Variants in GARRE1 observed in about 807,000 individuals in gnomAD.
GARRE1 encodes granule associated Rac and RHOG effector 1.
GARRE1 carries 49 observed loss-of-function variants against 103.2 expected under a neutral mutation model. The ratio of observed to expected loss-of-function variants is 0.47; its 90% CI spans 0.38 to 0.60. GARRE1 has a LOEUF of 0.60. Among genes scored for constraint, GARRE1 ranks in the 20% least tolerant of loss-of-function variants. The probability of loss-of-function intolerance (pLI) is 0.00; values close to 1 mark genes in which losing one functional copy is unlikely to be tolerated. For synonymous variants in GARRE1, 505 were observed against 532.8 expected (o/e 0.95, Z 0.72); for missense variants, 1,199 against 1,370.5 (o/e 0.87, Z 1.98).
In GARRE1 at chr19:34,320,020, A is replaced by T; in HGVS notation, c.609A>T (p.Pro203=). ...CTTGCTTTGCTGAGGTCATCGTGCC[A>T]GAAAAAAAGAACAGCGGCAGTGGCG... ...AHSCFAEVIV[P]EKKNSGSGGG... is the part of the protein sequence containing the mutation. Residue 203 remains proline (P), a synonymous_variant, in exon 3 of 14, where the codon CCA becomes CCT. Coordinates refer to ENST00000299505, the MANE Select transcript of GARRE1 (RefSeq NM_014686.5). 6.2e-7 allele frequency: 1 copy of T among 1,614,242 alleles called. No individual in the cohort carries two copies. The highest frequency in any genetic ancestry group is 8.5e-7 in the Non-Finnish European group (1 of 1,180,056).
At chr19:34,261,893 A>G (rs1475763321) in intron 1 of GARRE1, among the ~76,000 whole-genome samples, 1 of 152,220 alleles carries the variant, frequency 6.6e-6, no homozygotes, top group Non-Finnish European at 1.5e-5. Flanking sequence ...AGCTTTGTCT[A>G]CATTGCATTG....
chr19:34,292,362 T>C (rs2073922847), intron 1 of GARRE1, among the ~76,000 whole-genome samples: 1 of 152,260 alleles, frequency 6.6e-6, no homozygotes, highest in Non-Finnish European at 1.5e-5. Context: ...TACATTTGTT[T>C]ATTCATTTGT....
At chr19:34,333,043 T>C (rs1056741126) in intron 7 of GARRE1, among the ~76,000 whole-genome samples, 1 of 152,178 alleles carries the variant, frequency 6.6e-6, no homozygotes, top group South Asian at 2.1e-4. Flanking sequence ...TTGGTTTGAC[T>C]TTTTTGTTTG....
chr19:34,254,862 C>T (rs1049787084), intron 1 of GARRE1, among the ~76,000 whole-genome samples: 9 of 150,546 alleles, frequency 6.0e-5, no homozygotes, highest in African/African-American at 1.9e-4. Context: ...CTGGCGCGAA[C>T]CCGGGACCTG....
At chr19:34,337,148 T>C (rs1019776442) in intron 8 of GARRE1, among the ~76,000 whole-genome samples, 1 of 151,466 alleles carries the variant, frequency 6.6e-6, no homozygotes, top group African/African-American at 2.4e-5. Context: ...AGAAAAAGGA[T>C]ATTGCTATCC....
intron 3 of GARRE1, among the ~76,000 whole-genome samples, chr19:34,323,709 T>C (rs1344029809): frequency 6.6e-6 from 1 of 152,126 alleles, no homozygotes; most frequent in Admixed American, 6.5e-5. Flanking sequence ...GCCTCCTGAC[T>C]GTTCAGCTCA....
intron 8 of GARRE1, 151 bp from the exon 9 acceptor site, chr19:34,339,716 A>G: frequency 1.2e-6 from 1 of 835,622 alleles, no homozygotes; most frequent in Non-Finnish European, 1.9e-6. Flanking sequence ...TTCCAGGATC[A>G]GCCCTGTTGT....
intron 2 of GARRE1, among the ~76,000 whole-genome samples, chr19:34,314,592 T>C (rs1669265): frequency 0.76 from 115,036 of 152,102 alleles, 44,043 homozygotes; most frequent in Admixed American, 0.8. Flanking sequence ...GCAGCGTGTC[T>C]GGGGGCAGAA....
intron 1 of GARRE1, among the ~76,000 whole-genome samples, chr19:34,265,009 T>TCCTCTC (rs2073743205): frequency 6.6e-6 from 1 of 152,114 alleles, no homozygotes; most frequent in Admixed American, 6.6e-5. Context: ...GTTCCTTGTG[T>TCCTCTC]CTGGGCCACT....
At chr19:34,269,286 G>C (rs371576859) in intron 1 of GARRE1, among the ~76,000 whole-genome samples, 1 of 152,314 alleles carries the variant, frequency 6.6e-6, no homozygotes, top group African/African-American at 2.4e-5. Context: ...GATTGGTAGC[G>C]AGCCGGTGCT....
At chr19:34,332,936 G>A (rs1250313918) in intron 7 of GARRE1, among the ~76,000 whole-genome samples, 1 of 152,084 alleles carries the variant, frequency 6.6e-6, no homozygotes, top group Non-Finnish European at 1.5e-5. Context: ...CTGTCCTGAA[G>A]TAATTCAGTT....
chr19:34,322,903 T>A lies in GARRE1; in HGVS notation c.705+2787T>A, dbSNP rs552975560. Among the ~76,000 whole-genome samples, 161 of 152,074 alleles carry A rather than the reference T, an allele frequency of 1.1e-3. 1 individual carries two copies. The highest frequency in any genetic ancestry group is 0.01 in the Middle Eastern group (3 of 294). On this transcript the variant is annotated intron_variant, in intron 3 of 13. Coordinates refer to ENST00000299505, the MANE Select transcript of GARRE1 (RefSeq NM_014686.5). ...CACCTGGGCCAAAAGATAATTTTTT[T>A]AAACTATCCCAGCAGGCAAACACAG...
At position 34,327,477 on chromosome 19, in the gene GARRE1, T is replaced by C. The variant is rs763677636; in HGVS notation, c.762T>C (p.Val254=). 5 of 1,614,086 alleles carry C rather than the reference T, an allele frequency of 3.1e-6. No homozygotes were observed. The South Asian group carries it at 3.3e-5, about 11-fold the overall frequency. ...ATGGTTGCCTGGCAGGAATTGAAGTTCAACAACTCTTTTGTTCTCAAAGTG... is the reference window on the plus strand; with the variant it reads ...ATGGTTGCCTGGCAGGAATTGAAGTCCAACAACTCTTTTGTTCTCAAAGTG... The part of the protein sequence containing the change: ...GCDGCLAGIE[V]QQLFCSQSAA... Residue 254 remains valine (V), a synonymous_variant, in exon 4 of 14, where the codon GTT becomes GTC. Transcript: ENST00000299505.
chr19:34,353,242 T>G lies in GARRE1; in HGVS notation c.*287T>G. 2.3e-6 allele frequency: 1 copy of G among 435,470 alleles called. No homozygotes were observed. Among genetic ancestry groups the G allele is most frequent in the Non-Finnish European group, 4.1e-6 (1 of 245,638 alleles). 27.0% of individuals were successfully genotyped at this position (435,470 alleles called of 1,614,324 possible). A position where few individuals can be genotyped will look rare whatever the true frequency, so the allele number is the denominator to read the frequency against. On this transcript the variant is annotated 3_prime_UTR_variant, in exon 14 of 14. Coordinates refer to ENST00000299505, the MANE Select transcript of GARRE1 (RefSeq NM_014686.5). ...ATGCCTAGTAAGCGCCACAGGTGACTCTGATGCAGGCGCCACAGCCACACT... is the reference window on the plus strand; with the variant it reads ...ATGCCTAGTAAGCGCCACAGGTGACGCTGATGCAGGCGCCACAGCCACACT...
chr19:34,297,148 C>G (rs1028306132), intron 1 of GARRE1, among the ~76,000 whole-genome samples: 56 of 152,152 alleles, frequency 3.7e-4, no homozygotes, highest in East Asian at 7.7e-4. Flanking sequence ...ATTAGCCAGG[C>G]ACTGTGACGC....
At position 34,341,714 on chromosome 19, in the gene GARRE1, AT is replaced by A; in HGVS notation, c.1782del (p.Ile594MetfsTer45). 1.2e-6 allele frequency: 2 copies of A among 1,614,242 alleles called. No homozygotes were observed. Among genetic ancestry groups the A allele is most frequent in the South Asian group, 1.1e-5 (1 of 91,088 alleles). Reference protein sequence around the residue: ...IDTRLQSILNIGNFPRTTDPS... With the variant: ...IDTRLQSILNXGNFPRTTDPS... ...TACAAGGTTACAAAGCATTTTGAAC[AT>A]TGGTAATTTCCCCAGGACTACAGAC... On this transcript the variant is annotated frameshift_variant, in exon 10 of 14. Transcript: ENST00000299505. LOFTEE classifies it high-confidence loss of function.
At chr19:34,274,862 A>G (rs1057209233) in intron 1 of GARRE1, among the ~76,000 whole-genome samples, 6 of 152,242 alleles carry the variant, frequency 3.9e-5, no homozygotes, top group African/African-American at 1.4e-4. Context: ...CTAAAAAAGT[A>G]GAGTTCTAAG....
At chr19:34,267,883 C>T (rs925920513) in intron 1 of GARRE1, among the ~76,000 whole-genome samples, 29 of 151,602 alleles carry the variant, frequency 1.9e-4, no homozygotes, top group Non-Finnish European at 4.4e-5. Context: ...AAGCAATTCT[C>T]CTGCCTCAGC....
chr19:34,258,187 A>G (rs1287924810), intron 1 of GARRE1, among the ~76,000 whole-genome samples: 1 of 152,056 alleles, frequency 6.6e-6, no homozygotes, highest in Non-Finnish European at 1.5e-5. Context: ...CTTGACTTGG[A>G]ACTAGTGTGG....
Sources: gnomAD v4.1 joint callset for allele counts (sites outside exome capture counted in the v4.1 genomes callset) on GRCh38, gnomAD v4.1.1 for gene constraint, MANE v1.5 for transcripts, NCBI Gene and HGNC (gene_info 2026-07-23, HGNC 2026-07-21) for gene names.